Variants in PPP2R2B observed in about 807,000 individuals in gnomAD.
PPP2R2B encodes the protein protein phosphatase 2 regulatory subunit Bbeta, also known as serine/threonine-protein phosphatase 2A 55 kDa regulatory subunit B beta isoform.
In PPP2R2B, 5 loss-of-function variants were observed where a neutral mutation model predicts 46.0. The ratio of observed to expected loss-of-function variants is 0.11; its 90% CI spans 0.06 to 0.23. The LOEUF is 0.23. Among genes scored for constraint, PPP2R2B ranks in the 10% least tolerant of loss-of-function variants. The pLI, the probability that PPP2R2B is intolerant of heterozygous loss-of-function variation, is 1.00. For missense variants in PPP2R2B, 367 were observed against 575.0 expected, an observed-to-expected ratio of 0.64 and a Z score of 3.70; for synonymous variants, 215 against 206.7, an observed-to-expected ratio of 1.04 and a Z score of -0.34.
chr5:146,816,610 G>C (rs1004763566), intron 2 of PPP2R2B, among the ~76,000 whole-genome samples: 2 of 152,136 alleles, frequency 1.3e-5, no homozygotes, highest in African/African-American at 4.8e-5. Context: ...AAACTGATTT[G>C]AGTAAGTAGA....
Position 146,701,878 on chromosome 5 carries a change from G to T in PPP2R2B, c.71-736C>A, listed in dbSNP as rs575854593. Among the ~76,000 whole-genome samples, 4 of 152,136 alleles carry T rather than the reference G, an allele frequency of 2.6e-5. No individual in the cohort carries two copies. The South Asian group carries it at 6.2e-4, about 24-fold the overall frequency. The stretch of plus-strand genomic sequence containing the variant: ...ACTCAGATCACAGATAATTGCTGAA[G>T]GAATGCCAGCCTGCCAAGTCTTTCT... On this transcript the variant is annotated intron_variant, in intron 2 of 9. Transcript: ENST00000394411.
chr5:146,997,557 T>G lies in PPP2R2B; in HGVS notation c.79+58108A>C, dbSNP rs573971123. 7.7e-4 allele frequency among the ~76,000 whole-genome samples: 118 copies of G among 152,270 alleles called. 1 individual carries two copies. Among genetic ancestry groups the G allele is most frequent in the African/African-American group, 2.6e-3 (110 of 41,558 alleles). ...CTGGGGATGGGGCCCAGCACTTCCC[T>G]TTTTAACAAACCCTGCAGTTGATCT... is the stretch of plus-strand genomic sequence containing the variant. On this transcript the variant is annotated intron_variant, in intron 1 of 8. Coordinates refer to the PPP2R2B transcript ENST00000336640.
intron 4 of PPP2R2B, among the ~76,000 whole-genome samples, chr5:146,695,744 C>T (rs1026528574): frequency 3.9e-5 from 6 of 152,114 alleles, no homozygotes; most frequent in Non-Finnish European, 7.3e-5. Context: ...TTTATCATCG[C>T]TTGTGGCAGC....
intron 1 of PPP2R2B, among the ~76,000 whole-genome samples, chr5:147,030,362 G>A (rs1238799127): frequency 6.6e-6 from 1 of 151,976 alleles, no homozygotes; most frequent in East Asian, 1.9e-4. Context: ...ATCACCTGTT[G>A]ATTCTAATAG....
intron 1 of PPP2R2B, among the ~76,000 whole-genome samples, chr5:147,010,621 T>A (rs911611814): frequency 1.3e-5 from 2 of 152,102 alleles, no homozygotes; most frequent in African/African-American, 4.8e-5. Context: ...GAGGTGGAGC[T>A]CAGGCAGTAA....
intron 1 of PPP2R2B, among the ~76,000 whole-genome samples, chr5:146,897,095 A>G (rs1004804236): frequency 2.0e-5 from 3 of 152,172 alleles, no homozygotes; most frequent in Admixed American, 6.5e-5. Context: ...CAATGAAAAG[A>G]ATATAAAGAG....
intron 1 of PPP2R2B, among the ~76,000 whole-genome samples, chr5:146,970,588 C>A (rs1307693297): frequency 6.6e-6 from 1 of 151,572 alleles, no homozygotes; most frequent in East Asian, 1.9e-4. Flanking sequence ...ACAGAGGAGA[C>A]TCAGTCTCAA....
intron 2 of PPP2R2B, among the ~76,000 whole-genome samples, chr5:146,827,149 T>C (rs896499094): frequency 6.6e-6 from 1 of 152,180 alleles, no homozygotes; most frequent in African/African-American, 2.4e-5. Context: ...TCATAGGGGC[T>C]TATGTGCATG....
chr5:147,026,724 G>A (rs1233168194), intron 1 of PPP2R2B, among the ~76,000 whole-genome samples: 1 of 151,840 alleles, frequency 6.6e-6, no homozygotes, highest in East Asian at 1.9e-4. Flanking sequence ...TAGCCACCAG[G>A]GAAACAAAAA....
intron 2 of PPP2R2B, among the ~76,000 whole-genome samples, chr5:146,851,586 T>C (rs1760353378): frequency 6.6e-6 from 1 of 152,122 alleles, no homozygotes; most frequent in Admixed American, 6.6e-5. Flanking sequence ...TTTTACTTGA[T>C]GAAGGAGTAA....
At chr5:146,738,628 T>G (rs1309927396) in intron 2 of PPP2R2B, among the ~76,000 whole-genome samples, 1 of 152,056 alleles carries the variant, frequency 6.6e-6, no homozygotes, top group Middle Eastern at 3.2e-3. Flanking sequence ...CAACTCCTAG[T>G]TAACTGCCCT....
intron 2 of PPP2R2B, among the ~76,000 whole-genome samples, chr5:146,820,342 T>A (rs1277909597): frequency 6.6e-6 from 1 of 152,130 alleles, no homozygotes; most frequent in African/African-American, 2.4e-5. Flanking sequence ...CAATTAAACA[T>A]TAAAAAATTT....
At position 147,072,215 on chromosome 5, in the gene PPP2R2B, T is replaced by C. The variant is rs552701656; in HGVS notation, c.50+8844A>G. Among the ~76,000 whole-genome samples the C allele has an allele frequency of 1.4e-4, 21 of 152,308 alleles. No individual in the cohort carries two copies. The South Asian group carries it at 2.5e-3, about 18-fold the overall frequency. Reference sequence around the variant, plus strand: ...ATCTAAACTAACTTTTTGTCTGCAATGTGGGATTATAAGACTGATTCTAGT... The same window carrying C: ...ATCTAAACTAACTTTTTGTCTGCAACGTGGGATTATAAGACTGATTCTAGT... On this transcript the variant is annotated intron_variant, in intron 2 of 10. Transcript: ENST00000394413.
At chr5:146,990,610 C>G (rs549687231) in intron 1 of PPP2R2B, among the ~76,000 whole-genome samples, 2 of 152,050 alleles carry the variant, frequency 1.3e-5, no homozygotes, top group Non-Finnish European at 2.9e-5. Flanking sequence ...AACTATGAAA[C>G]TATTAGTAGA....
intron 1 of PPP2R2B, among the ~76,000 whole-genome samples, chr5:146,948,864 C>T (rs369311865): frequency 4.6e-5 from 7 of 152,156 alleles, no homozygotes; most frequent in South Asian, 2.1e-4. Context: ...GAAGTATGCA[C>T]ACATACCATG....
At chr5:147,016,173 A>C (rs1396387612) in intron 1 of PPP2R2B, among the ~76,000 whole-genome samples, 1 of 151,462 alleles carries the variant, frequency 6.6e-6, no homozygotes, top group East Asian at 2.1e-4. Flanking sequence ...CATCTCTACA[A>C]AATTTTTTTA....
intron 2 of PPP2R2B, among the ~76,000 whole-genome samples, chr5:146,831,745 G>T (rs188490632): frequency 6.1e-4 from 93 of 152,346 alleles, no homozygotes; most frequent in African/African-American, 2.0e-3. Context: ...AGCCGAGATT[G>T]TGCCAGCTTG....
intron 5 of PPP2R2B, among the ~76,000 whole-genome samples, chr5:146,682,298 C>T (rs1014767579): frequency 1.3e-5 from 2 of 152,096 alleles, no homozygotes; most frequent in African/African-American, 2.4e-5. Context: ...TCGAACTTTT[C>T]AATATATTCA....
chr5:146,856,070 C>G (rs9686807), intron 2 of PPP2R2B, among the ~76,000 whole-genome samples: 35,134 of 151,960 alleles, frequency 0.23, 4,162 homozygotes, highest in East Asian at 0.35. Flanking sequence ...TGCCTCTTGA[C>G]CCCAAGCTCT....
Sources: allele counts gnomAD v4.1 joint callset (sites outside exome capture counted in the v4.1 genomes callset), GRCh38; gene constraint gnomAD v4.1.1; transcripts MANE v1.5; gene names NCBI Gene and HGNC (gene_info 2026-07-23, HGNC 2026-07-21).